Variants in ATP11A observed in about 807,000 individuals in gnomAD.
ATP11A encodes ATPase phospholipid transporting 11A, also known as phospholipid-transporting ATPase IH.
ATP11A carries 81 observed loss-of-function variants against 154.4 expected under a neutral mutation model. The observed-to-expected ratio is 0.52, with a 90% confidence interval of 0.44 to 0.63. The LOEUF (loss-of-function observed/expected upper bound fraction) is 0.63. Ranked by LOEUF, ATP11A falls within the 30% of genes least tolerant of loss-of-function variation. The probability of loss-of-function intolerance (pLI) is 0.00; values close to 1 mark genes in which losing one functional copy is unlikely to be tolerated. For missense variants in ATP11A, 1,316 were observed against 1,474.3 expected (o/e 0.89, Z 1.76); for synonymous variants, 623 against 585.9 (o/e 1.06, Z -0.91).
rs757349490 is a variant in ATP11A, at chr13:112,834,600, C to G, written c.1571C>G (p.Thr524Ser). The G allele has an allele frequency of 3.7e-6, 6 of 1,613,702 alleles. No homozygotes were observed. Among genetic ancestry groups the G allele is most frequent in the East Asian group, 4.5e-5 (2 of 44,886 alleles). ...CCTTCTCATTGCAGACTTGGCTTTA[C>G]CTACCTAAGGCTGAAGGACAATTAC... ...LVEGVQRLGF[T>S]YLRLKDNYME... is the part of the protein sequence containing the mutation. The change falls in exon 15 of 30, where the codon ACC (threonine) becomes AGC (serine). Residue 524 changes from threonine to serine, a missense_variant. Physicochemically the swap from Thr to Ser is moderately conservative, Grantham distance 58. Transcript: ENST00000375645.
At chr13:112,742,392 T>C (rs1891654473) in intron 1 of ATP11A, among the ~76,000 whole-genome samples, 1 of 151,676 alleles carries the variant, frequency 6.6e-6, no homozygotes, top group South Asian at 2.1e-4. Flanking sequence ...GAGGAGCCCC[T>C]GCGGGCGCTG....
chr13:112,725,798 A>G (rs1451802711), intron 1 of ATP11A, among the ~76,000 whole-genome samples: 3 of 152,240 alleles, frequency 2.0e-5, no homozygotes, highest in African/African-American at 7.2e-5. Context: ...TGTTGGTTAC[A>G]GGAAGCTGAG....
rs564882519 is a variant in ATP11A at position 112,840,838 on chromosome 13, C to T, written c.1706-1438C>T. On this transcript the variant is annotated intron_variant, in intron 16 of 29. Transcript: ENST00000375645. ...GCTCCAGGCCTTGGATCCGGGTCGT[C>T]AGCCCGAGAGCGTCCCCTCCCCATG... 8.5e-5 allele frequency among the ~76,000 whole-genome samples: 13 copies of T among 152,194 alleles called. No homozygotes were observed. In the East Asian group the frequency reaches 1.8e-3, roughly 21 times the overall value.
chr13:112,830,386 C>T (rs533154010), intron 12 of ATP11A, among the ~76,000 whole-genome samples: 22 of 152,178 alleles, frequency 1.4e-4, no homozygotes, highest in African/African-American at 5.1e-4. Context: ...ACCAGCCTGG[C>T]CAACATGGCG....
rs1566479185 is a variant in ATP11A, at chr13:112,786,557, AGAC to A, written c.162+1301_162+1303del. Among the ~76,000 whole-genome samples the A allele has an allele frequency of 4.0e-4, 25 of 62,214 alleles. 7 individuals carry two copies. Among genetic ancestry groups the A allele is most frequent in the African/African-American group, 2.1e-3 (25 of 11,818 alleles). The allele number at this position is 62,214 out of a possible 152,430, so 40.8% of individuals were successfully genotyped here. A position where few individuals can be genotyped will look rare whatever the true frequency, so the allele number is the denominator to read the frequency against. The stretch of plus-strand genomic sequence containing the variant: ...ATGCGGAACGCACGTGCCTGCATTC[AGAC>A]TCCGTTTATCTTCACCGTCCTTCAA... On this transcript the variant is annotated intron_variant, in intron 2 of 29. Coordinates refer to ENST00000375645, the MANE Select transcript of ATP11A (RefSeq NM_015205.3).
chr13:112,739,408 A>G (rs1414149220), intron 1 of ATP11A, among the ~76,000 whole-genome samples: 2 of 152,268 alleles, frequency 1.3e-5, no homozygotes, highest in African/African-American at 2.4e-5. Flanking sequence ...GAGAAATGCA[A>G]ATAAAAACTT....
rs985922440 is a variant in ATP11A at position 112,785,113 on chromosome 13, A to G, written c.40-22A>G. 6.9e-7 allele frequency: 1 copy of G among 1,443,846 alleles called. No homozygotes were observed. Among genetic ancestry groups the G allele is most frequent in the African/African-American group, 1.5e-5 (1 of 68,366 alleles). The allele number at this position is 1,443,846 out of a possible 1,614,324, so 89.4% of individuals were successfully genotyped here. ...GATGCAGGTTCTGAGGCAGCTGCCT[A>G]ACACCGCTCTCCTTTCCGCAGTGTG... On this transcript the variant is annotated intron_variant, in intron 1 of 29. Transcript: ENST00000375645. The surrounding 1 kb of genome is among the most constrained non-coding windows in gnomAD (Gnocchi z 4.8).
At chr13:112,881,142 C>T (rs943346699) in intron 29 of ATP11A, 3 of 987,276 alleles carry the variant, frequency 3.0e-6, no homozygotes, top group Non-Finnish European at 3.6e-6. Context: ...TGCCAGCATC[C>T]GCCGCTGCCC....
Position 112,875,807 on chromosome 13 carries a change from G to T in ATP11A, c.3193G>T (p.Val1065Leu), listed in dbSNP as rs759907965. The change falls in exon 28 of 30, where the codon GTG becomes TTG. Residue 1065 changes from valine (V) to leucine (L), a missense_variant. Physicochemically the swap from Val to Leu is conservative, Grantham distance 32. Coordinates refer to ENST00000375645, the MANE Select transcript of ATP11A (RefSeq NM_015205.3). This position sits in a 1 kb window ranked among gnomAD's most constrained non-coding sequence, Gnocchi z 4.1. Reference protein sequence around the residue: ...PFLNYQRMYYVFIQMLSSGPA... With the variant: ...PFLNYQRMYYLFIQMLSSGPA... Reference sequence around the variant, plus strand: ...CCTCAACTACCAGAGGATGTACTACGTGTTCATCCAGATGCTGTCCAGCGG... The same window carrying T: ...CCTCAACTACCAGAGGATGTACTACTTGTTCATCCAGATGCTGTCCAGCGG... 3 of 1,613,980 alleles carry T rather than the reference G, an allele frequency of 1.9e-6. No individual in the cohort carries two copies. The Admixed American group carries it at 5.0e-5, about 27-fold the overall frequency.
Position 112,819,383 on chromosome 13 carries a change from A to G in ATP11A, c.650A>G (p.Glu217Gly). The G allele has an allele frequency of 6.2e-7, 1 of 1,614,208 alleles. No homozygotes were observed. The highest frequency in any genetic ancestry group is 8.5e-7 in the Non-Finnish European group (1 of 1,180,040). ...GGACTTCACGCCACCATCGAGTGTG[A>G]GCAGCCCCAGCCCGACCTCTACAAG... ...IGGLHATIEC[E>G]QPQPDLYKFV... The change falls in exon 7 of 30, where the codon GAG (glutamate) becomes GGG (glycine). Residue 217 changes from glutamate (E) to glycine (G), a missense_variant. By Grantham distance (98) the Glu-to-Gly change is moderately conservative (BLOSUM62 -2). Around this residue, in one of 5 missense-constraint regions of ATP11A, gnomAD observed 876 missense variants for 1,006.8 expected, o/e 0.87. Coordinates refer to ENST00000375645, the MANE Select transcript of ATP11A (RefSeq NM_015205.3).
At chr13:112,865,811 G>C (rs200258463) in intron 25 of ATP11A, among the ~76,000 whole-genome samples, 1 of 152,184 alleles carries the variant, frequency 6.6e-6, no homozygotes, top group Non-Finnish European at 1.5e-5. Flanking sequence ...TTGGCCTCCC[G>C]AAGTGCTGGG....
At chr13:112,837,812 C>T (rs892939711) in intron 16 of ATP11A, among the ~76,000 whole-genome samples, 4 of 152,010 alleles carry the variant, frequency 2.6e-5, no homozygotes, top group African/African-American at 7.2e-5. Context: ...TGGTGCCTCA[C>T]TTCCTAAGAC....
At chr13:112,801,628 C>G (rs74644198) in intron 2 of ATP11A, among the ~76,000 whole-genome samples, 5,361 of 152,308 alleles carry the variant, frequency 0.035, 324 homozygotes, top group African/African-American at 0.12. Context: ...AATCGCTATC[C>G]TATATGCCAG....
intron 1 of ATP11A, among the ~76,000 whole-genome samples, chr13:112,761,460 G>T (rs2076960276): frequency 6.6e-6 from 1 of 152,238 alleles, no homozygotes; most frequent in African/African-American, 2.4e-5. Flanking sequence ...CTCTTACTGT[G>T]CCTAATTTAT....
chr13:112,827,240 T>C (rs759132664), intron 12 of ATP11A, among the ~76,000 whole-genome samples: 1 of 152,182 alleles, frequency 6.6e-6, no homozygotes, highest in Non-Finnish European at 1.5e-5. Flanking sequence ...GAGCTGGGTA[T>C]TTTCACTTTA....
chr13:112,708,150 C>G (rs532474127), intron 1 of ATP11A, among the ~76,000 whole-genome samples: 5 of 586 alleles, frequency 8.5e-3, no homozygotes, highest in Non-Finnish European at 0.014. Context: ...TCAAGCATCT[C>G]GACAACTTTT....
At chr13:112,740,144 C>CTA (rs1384293062) in intron 1 of ATP11A, among the ~76,000 whole-genome samples, 33 of 107,304 alleles carry the variant, frequency 3.1e-4, no homozygotes, top group South Asian at 3.1e-4. Flanking sequence ...CTCTCTCTCT[C>CTA]TCTCTATATA....
intron 2 of ATP11A, among the ~76,000 whole-genome samples, chr13:112,792,285 G>T (rs2077881715): frequency 6.6e-6 from 1 of 152,102 alleles, no homozygotes; most frequent in Non-Finnish European, 1.5e-5. Context: ...GCCTGGAATT[G>T]ATGACTCATA....
Position 112,871,765 on chromosome 13 carries a change from G to A in ATP11A, c.3022G>A (p.Val1008Ile). 1.7e-5 allele frequency: 28 copies of A among 1,614,174 alleles called. No individual in the cohort carries two copies. Among genetic ancestry groups the A allele is most frequent in the Non-Finnish European group, 2.3e-5 (27 of 1,180,024 alleles). ...IFGNWTFGTLVFTVMVFTVTL... is the reference protein window; with the variant it reads ...IFGNWTFGTLIFTVMVFTVTL... ...TGGAAACTGGACGTTTGGAACGCTG[G>A]TATTCACCGTGATGGTGTTCACAGT... The change falls in exon 26 of 30, where the codon GTA becomes ATA. Residue 1008 changes from valine (V) to isoleucine (I), a missense_variant. Val to Ile is a conservative substitution (Grantham distance 29). Coordinates refer to ENST00000375645, the MANE Select transcript of ATP11A (RefSeq NM_015205.3).
Sources: allele counts gnomAD v4.1 joint callset (sites outside exome capture counted in the v4.1 genomes callset), GRCh38; gene constraint gnomAD v4.1.1; regional missense constraint gnomAD v4.1.1; non-coding constraint Gnocchi (gnomAD v3.1); transcripts MANE v1.5; gene names NCBI Gene and HGNC (gene_info 2026-07-23, HGNC 2026-07-21).